PTPRD: variants seen among roughly 807,000 people sequenced by gnomAD.
PTPRD encodes the protein protein tyrosine phosphatase receptor type D, also known as receptor-type tyrosine-protein phosphatase delta.
A neutral mutation model predicts 214.5 loss-of-function variants in PTPRD; 34 were observed. That is an observed-to-expected ratio of 0.16 (90% CI 0.12 to 0.21). PTPRD has a LOEUF of 0.21. Ranked by LOEUF, PTPRD falls within the 10% of genes least tolerant of loss-of-function variation. The pLI is 1.00. For missense variants in PTPRD, 2,545 were observed against 2,398.7 expected (o/e 1.06, Z -1.27); for synonymous variants, 1,128 against 845.7 (o/e 1.33, Z -5.79).
At chr9:8,328,341 T>G (rs546436221) in intron 44 of PTPRD, among the ~76,000 whole-genome samples, 48 of 152,298 alleles carry the variant, frequency 3.2e-4, no homozygotes, top group Non-Finnish European at 5.9e-4. Flanking sequence ...TGTTGAATAT[T>G]GGCCCCACTG....
At chr9:8,417,536 G>A (rs141830233) in intron 35 of PTPRD, among the ~76,000 whole-genome samples, 123 of 152,272 alleles carry the variant, frequency 8.1e-4, no homozygotes, top group African/African-American at 2.9e-3. Flanking sequence ...AGGATTTCTA[G>A]TAGAATCTGA....
At chr9:9,877,900 G>T (rs1433629273) in intron 5 of PTPRD, among the ~76,000 whole-genome samples, 2 of 150,310 alleles carry the variant, frequency 1.3e-5, no homozygotes, top group Non-Finnish European at 2.9e-5. Context: ...TTTACCCCGG[G>T]AGGTGGAGGT....
intron 9 of PTPRD, among the ~76,000 whole-genome samples, chr9:9,211,641 G>A (rs1405519560): frequency 2.6e-5 from 4 of 151,862 alleles, no homozygotes; most frequent in Non-Finnish European, 5.9e-5. Context: ...ATATACCAAA[G>A]AGCCTTAATA....
intron 9 of PTPRD, among the ~76,000 whole-genome samples, chr9:9,323,569 G>A (rs1454474261): frequency 1.3e-5 from 2 of 152,062 alleles, no homozygotes; most frequent in East Asian, 3.9e-4. Flanking sequence ...ATGAGTATCT[G>A]ATACCAATTC....
At chr9:9,134,898 C>T (rs932182021) in intron 10 of PTPRD, among the ~76,000 whole-genome samples, 2 of 151,956 alleles carry the variant, frequency 1.3e-5, no homozygotes, top group Admixed American at 6.6e-5. Context: ...AGAAATGGTA[C>T]ATAAAAATCA....
At position 10,259,215 on chromosome 9, in the gene PTPRD, G is replaced by A. The variant is rs537930985; in HGVS notation, c.-545+81748C>T. On this transcript the variant is annotated intron_variant, in intron 3 of 45. Transcript: ENST00000381196. Reference sequence around the variant, plus strand: ...TTTTTTTTGTATTTTTAGTAGAGAAGGGGTTTCACCGTGTTAGTCAGGATG... The same window carrying A: ...TTTTTTTTGTATTTTTAGTAGAGAAAGGGTTTCACCGTGTTAGTCAGGATG... Among the ~76,000 whole-genome samples the A allele has an allele frequency of 4.6e-5, 7 of 152,112 alleles. No individual in the cohort carries two copies. In the South Asian group the frequency reaches 1.0e-3, roughly 23 times the overall value.
chr9:9,583,956 T>C (rs2091397346), intron 7 of PTPRD, among the ~76,000 whole-genome samples: 1 of 152,102 alleles, frequency 6.6e-6, no homozygotes, highest in Non-Finnish European at 1.5e-5. Context: ...TCCTTCATCC[T>C]TACCATACTT....
intron 14 of PTPRD, among the ~76,000 whole-genome samples, chr9:8,572,902 T>C (rs1239135877): frequency 1.3e-5 from 2 of 152,094 alleles, no homozygotes; most frequent in African/African-American, 4.8e-5. Context: ...TTCAACACAC[T>C]GTTATTATAA....
At chr9:8,584,291 G>C (rs1426918756) in intron 14 of PTPRD, among the ~76,000 whole-genome samples, 2 of 151,982 alleles carry the variant, frequency 1.3e-5, no homozygotes, top group African/African-American at 4.8e-5. Flanking sequence ...AATGAGAAAA[G>C]AAATCCCTAT....
Position 9,116,924 on chromosome 9 carries a change from A to G in PTPRD, c.-143+66380T>C, listed in dbSNP as rs555582508. On this transcript the variant is annotated intron_variant, in intron 10 of 45. Transcript: ENST00000381196. ...CACTATTGGCTTTCCAATGCTTGTT[A>G]CCATGCCTGACCCATAGTATGGATA... Among the ~76,000 whole-genome samples, 3 of 152,258 alleles carry G rather than the reference A, an allele frequency of 2.0e-5. No homozygotes were observed. The South Asian group carries it at 6.2e-4, about 32-fold the overall frequency.
intron 11 of PTPRD, among the ~76,000 whole-genome samples, chr9:8,990,551 G>A (rs749230529): frequency 1.2e-4 from 18 of 152,006 alleles, no homozygotes; most frequent in Non-Finnish European, 2.6e-4. Context: ...CCCTCATTCT[G>A]CCCCATGGCA....
intron 2 of PTPRD, among the ~76,000 whole-genome samples, chr9:10,546,116 C>T (rs2060115886): frequency 1.3e-5 from 2 of 152,226 alleles, no homozygotes; most frequent in South Asian, 4.1e-4. Flanking sequence ...TTGGGACCAA[C>T]ATTACTCTAT....
intron 11 of PTPRD, among the ~76,000 whole-genome samples, chr9:8,962,497 A>G (rs999737312): frequency 3.3e-5 from 5 of 151,624 alleles, no homozygotes; most frequent in African/African-American, 1.2e-4. Context: ...AAGATAAGAC[A>G]TGGGGGAGGG....
At chr9:8,629,968 C>G (rs1258048909) in intron 14 of PTPRD, among the ~76,000 whole-genome samples, 1 of 151,750 alleles carries the variant, frequency 6.6e-6, no homozygotes, top group Non-Finnish European at 1.5e-5. Flanking sequence ...GAAATGCTCC[C>G]TTCGAGGCAC....
At chr9:8,630,687 A>T (rs1421290685) in intron 14 of PTPRD, among the ~76,000 whole-genome samples, 1 of 151,928 alleles carries the variant, frequency 6.6e-6, no homozygotes, top group Non-Finnish European at 1.5e-5. Context: ...AGATGTTCAC[A>T]TAGAAAGTTG....
At chr9:10,456,611 G>A (rs1483606863) in intron 2 of PTPRD, among the ~76,000 whole-genome samples, 2 of 151,784 alleles carry the variant, frequency 1.3e-5, no homozygotes, top group Non-Finnish European at 3.0e-5. Flanking sequence ...CACAAATTCT[G>A]GCAAAACAGT....
intron 9 of PTPRD, among the ~76,000 whole-genome samples, chr9:9,210,275 G>A (rs965397713): frequency 1.3e-5 from 2 of 152,016 alleles, no homozygotes; most frequent in African/African-American, 2.4e-5. Flanking sequence ...TCTTCAAAAC[G>A]AATCTGAAAC....
intron 8 of PTPRD, among the ~76,000 whole-genome samples, chr9:9,474,408 T>C (rs1457756122): frequency 1.3e-5 from 2 of 152,136 alleles, no homozygotes; most frequent in Non-Finnish European, 2.9e-5. Flanking sequence ...TTACACAGTA[T>C]TGCTTTGGCT....
chr9:9,879,160 G>T (rs1373108963), intron 5 of PTPRD, among the ~76,000 whole-genome samples: 1 of 152,200 alleles, frequency 6.6e-6, no homozygotes, highest in Non-Finnish European at 1.5e-5. Flanking sequence ...GAGTATGAAG[G>T]ACTAGAGAAA....
Sources: gnomAD v4.1 joint callset for allele counts (sites outside exome capture counted in the v4.1 genomes callset) on GRCh38, gnomAD v4.1.1 for gene constraint, MANE v1.5 for transcripts, NCBI Gene and HGNC (gene_info 2026-07-23, HGNC 2026-07-21) for gene names.